COQ6: variants seen among roughly 807,000 people sequenced by gnomAD.
COQ6 encodes the protein coenzyme Q6, monooxygenase.
COQ6 carries 45 observed loss-of-function variants against 55.5 expected under a neutral mutation model. The observed-to-expected ratio is 0.81, with a 90% CI of 0.64 to 1.04. The LOEUF (loss-of-function observed/expected upper bound fraction) is 1.04, where lower values mean the gene tolerates loss of function less well. Among genes scored for constraint, COQ6 ranks in the 50% least tolerant of loss-of-function variants. COQ6 has a pLI of 0.00. For synonymous variants in COQ6, 206 were observed against 230.5 expected, an observed-to-expected ratio of 0.89 and a Z score of 0.96; for missense variants, 550 against 601.3, an observed-to-expected ratio of 0.91 and a Z score of 0.89.
intron 7 of COQ6, 65 bp downstream of exon 7, chr14:73,959,289 G>A (rs1301881067): frequency 1.2e-6 from 2 of 1,614,130 alleles, no homozygotes; most frequent in Admixed American, 1.7e-5. Context: ...CTTTCTCTCA[G>A]CCTTTTTCTG....
chr14:73,959,929 G>T, intron 8 of COQ6: 1 of 1,160,368 alleles, frequency 8.6e-7, no homozygotes, highest in South Asian at 2.0e-5. Flanking sequence ...TTTCTACTTT[G>T]TAACTATAAT....
Position 73,962,823 on chromosome 14 carries a change from G to C in COQ6, c.1378-147G>C, listed in dbSNP as rs1466044781. ...CAGAGTGAGACCCTGTCTCTAAAAC[G>C]TGTGTATATGTATGTATATTTTTCT... On this transcript the variant is annotated intron_variant, in intron 11 of 11. Transcript: ENST00000334571. 7 of 672,164 alleles carry C rather than the reference G, an allele frequency of 1.0e-5. No individual in the cohort carries two copies. In the East Asian group the frequency reaches 1.4e-4, roughly 13 times the overall value. The allele number at this position is 672,164 out of a possible 1,614,324, so 41.6% of individuals were successfully genotyped here. A position where few individuals can be genotyped will look rare whatever the true frequency, so the allele number is the denominator to read the frequency against.
chr14:73,958,056 T>C, intron 4 of COQ6, 91 bp from the exon 5 acceptor site: 1 of 1,003,504 alleles, frequency 1.0e-6, no homozygotes. Flanking sequence ...ACTGCTGTCC[T>C]GGGACCTTGC....
At chr14:73,958,125 T>C (rs200609628) in intron 4 of COQ6, 22 bp from the exon 5 acceptor site, 37 of 1,607,448 alleles carry the variant, frequency 2.3e-5, no homozygotes, top group East Asian at 1.8e-4. Context: ...TAATTTTTTT[T>C]CCTCTCTTTT....
At chr14:73,956,209 A>T (rs968075387) in intron 4 of COQ6, 36 of 368,990 alleles carry the variant, frequency 9.8e-5, no homozygotes, top group Admixed American at 4.1e-4. Context: ...GCGCCTATAG[A>T]CCCAGCTACT....
At chr14:73,956,185 A>G (rs1332139315) in intron 4 of COQ6, 13 of 396,704 alleles carry the variant, frequency 3.3e-5, no homozygotes, top group South Asian at 2.1e-4. Flanking sequence ...ACAATTAGCC[A>G]GGCATGGTGG....
chr14:73,955,389 G>A lies in COQ6; in HGVS notation c.299-62G>A. 4 of 1,241,628 alleles carry A rather than the reference G, an allele frequency of 3.2e-6. No individual in the cohort carries two copies. In the South Asian group the frequency reaches 3.6e-5, roughly 11 times the overall value. 76.9% of individuals were successfully genotyped at this position (1,241,628 alleles called of 1,614,324 possible). A position where few individuals can be genotyped will look rare whatever the true frequency, so the allele number is the denominator to read the frequency against. ...CAACCTCTTACGTAACAGGATGGAG[G>A]GACAAGGGGGAGCCCAGGTCCTTGT... On this transcript the variant is annotated intron_variant, in intron 2 of 11. Transcript: ENST00000334571.
intron 2 of COQ6, 190 bp from the exon 3 acceptor site, chr14:73,955,261 G>C (rs1488993763): frequency 3.1e-6 from 2 of 641,826 alleles, no homozygotes; most frequent in Non-Finnish European, 5.6e-6. Flanking sequence ...CAGAAGCTGG[G>C]TCTTTTTTCA....
At chr14:73,957,079 C>T (rs11850995) in intron 4 of COQ6, among the ~76,000 whole-genome samples, 2,711 of 150,164 alleles carry the variant, frequency 0.018, 79 homozygotes, top group African/African-American at 0.062. Context: ...ACTTCTACAG[C>T]GAGCTTATTA....
chr14:73,958,028 A>T, intron 4 of COQ6, 119 bp from the exon 5 acceptor site: 2 of 830,320 alleles, frequency 2.4e-6, no homozygotes, highest in Admixed American at 1.7e-5. Flanking sequence ...TGATTTTTTT[A>T]ATCTTAAATG....
intron 8 of COQ6, 59 bp downstream of exon 8, chr14:73,959,581 GT>G (rs759810630): frequency 0.011 from 14,933 of 1,329,026 alleles, no homozygotes; most frequent in Admixed American, 0.017. Context: ...GAAAGGTGTT[GT>G]TTTTTTTTTT....
Position 73,961,326 on chromosome 14 carries a change from G to A in COQ6, c.1045G>A (p.Gly349Arg). The A allele has an allele frequency of 6.2e-7, 1 of 1,614,202 alleles. No homozygotes were observed. The highest frequency in any genetic ancestry group is 1.3e-5 in the African/African-American group (1 of 75,056). Residue 349 changes from glycine to arginine, a missense_variant, in exon 9 of 12, where the codon GGG becomes AGG. Coordinates refer to ENST00000334571, the MANE Select transcript of COQ6 (RefSeq NM_182476.3). ...DAKSRVLFPLGLGHAAEYVRP... is the reference protein window; with the variant it reads ...DAKSRVLFPLRLGHAAEYVRP... ...CAAAAGCCGAGTTCTGTTTCCTCTT[G>A]GGTTGGGACATGCTGCTGAGTACGT...
rs761168024 is a variant in COQ6 at position 73,963,094 on chromosome 14, AACTT to A, written c.*100_*103del. 2.9e-5 allele frequency: 30 copies of A among 1,040,598 alleles called. No homozygotes were observed. Among genetic ancestry groups the A allele is most frequent in the Admixed American group, 5.2e-5 (3 of 57,894 alleles). 64.5% of individuals were successfully genotyped at this position (1,040,598 alleles called of 1,614,324 possible). ...TTTCAAGATCTTATTTAATTTAATA[AACTT>A]ACTTTACATTAAAATTCTCTTTTTC... On this transcript the variant is annotated 3_prime_UTR_variant, in exon 12 of 12. Coordinates refer to ENST00000334571, the MANE Select transcript of COQ6 (RefSeq NM_182476.3).
At chr14:73,961,140 C>T (rs1272797132) in intron 8 of COQ6, 33 bp from the exon 9 acceptor site, 2 of 1,606,914 alleles carry the variant, frequency 1.2e-6, no homozygotes, top group South Asian at 2.2e-5. Context: ...ACTCACATTT[C>T]ACCTTGTTTG....
At chr14:73,962,883 AGAATACCTACGT>A (rs1458898657) in intron 11 of COQ6, 75 bp from the exon 12 acceptor site, 5 of 1,124,820 alleles carry the variant, frequency 4.4e-6, no homozygotes, top group Non-Finnish European at 6.7e-6. Flanking sequence ...ACACTTGGGA[AGAATACCTACGT>A]GATTATTATC....
At chr14:73,954,935 T>A (rs1368753453) in intron 2 of COQ6, among the ~76,000 whole-genome samples, 1 of 130,312 alleles carries the variant, frequency 7.7e-6, no homozygotes, top group African/African-American at 2.7e-5. Context: ...GGAAGCTGAG[T>A]CTTTTTTTTT....
chr14:73,956,269 A>G (rs2056432703), intron 4 of COQ6: 1 of 312,448 alleles, frequency 3.2e-6, no homozygotes, highest in Admixed American at 4.0e-5. Flanking sequence ...TGGAGCTTGC[A>G]GTGAGCCGAG....
At chr14:73,961,618 G>A in intron 10 of COQ6, 48 bp downstream of exon 10, 1 of 1,607,648 alleles carries the variant, frequency 6.2e-7, no homozygotes. Context: ...CATATAGTTA[G>A]GCAAGATCAG....
rs148444170 is a variant in COQ6, at chr14:73,961,845, C to A, written c.1319C>A (p.Pro440Gln). The change falls in exon 11 of 12, where the codon CCG becomes CAG. Residue 440 changes from proline to glutamine, a missense_variant. Transcript: ENST00000334571. ...LKRLYSTSAS[P>Q]LVLLRTWGLQ... is the part of the protein sequence containing the mutation. ...AGGCTCTATTCTACCAGTGCCTCCC[C>A]GCTTGTGTTGCTCAGGACGTGGGGC... The A allele has an allele frequency of 3.5e-4, 569 of 1,614,204 alleles. 4 individuals carry two copies. The East Asian group carries it at 7.5e-3, about 21-fold the overall frequency.
Sources: gnomAD v4.1 joint callset for allele counts (sites outside exome capture counted in the v4.1 genomes callset) on GRCh38, gnomAD v4.1.1 for gene constraint, MANE v1.5 for transcripts, NCBI Gene and HGNC (gene_info 2026-07-23, HGNC 2026-07-21) for gene names.